TMTC2: variants seen among roughly 807,000 people sequenced by gnomAD.
The protein encoded by TMTC2 is transmembrane O-mannosyltransferase targeting cadherins 2.
Under a neutral mutation model 82.4 loss-of-function variants are expected in TMTC2, and 43 were observed. The ratio of observed to expected loss-of-function variants is 0.52; its 90% CI spans 0.41 to 0.67. The LOEUF is 0.67. Among genes scored for constraint, TMTC2 ranks in the 30% least tolerant of loss-of-function variants. The probability of loss-of-function intolerance (pLI) is 0.00; values close to 1 mark genes in which losing one functional copy is unlikely to be tolerated. For missense variants in TMTC2, 919 were observed against 1,012.4 expected, an observed-to-expected ratio of 0.91 and a Z score of 1.25; for synonymous variants, 408 against 381.9, an observed-to-expected ratio of 1.07 and a Z score of -0.80.
intron 7 of TMTC2, among the ~76,000 whole-genome samples, chr12:82,979,726 A>C (rs1057406677): frequency 6.6e-6 from 1 of 151,750 alleles, no homozygotes; most frequent in Admixed American, 6.6e-5. Context: ...ATTGCTTATA[A>C]AGGTCATTTT....
intron 1 of TMTC2, among the ~76,000 whole-genome samples, chr12:82,828,140 G>A (rs113797400): frequency 0.02 from 3,029 of 151,028 alleles, 111 homozygotes; most frequent in African/African-American, 0.07. Context: ...TGATCCACCC[G>A]CCTTGGCCTC....
At chr12:83,053,478 G>A (rs964600965) in intron 10 of TMTC2, among the ~76,000 whole-genome samples, 9 of 152,080 alleles carry the variant, frequency 5.9e-5, no homozygotes, top group African/African-American at 2.2e-4. Context: ...AATTTCCAAT[G>A]TAATGACCAA....
At chr12:82,752,568 A>C (rs190301266) in intron 1 of TMTC2, among the ~76,000 whole-genome samples, 2 of 152,190 alleles carry the variant, frequency 1.3e-5, no homozygotes, top group East Asian at 3.9e-4. Flanking sequence ...TAGTCTTGGG[A>C]GCATAAACTG....
chr12:82,949,192 A>T (rs538449204), intron 4 of TMTC2, among the ~76,000 whole-genome samples: 5 of 152,250 alleles, frequency 3.3e-5, no homozygotes, highest in Non-Finnish European at 5.9e-5. Flanking sequence ...CCAAGAAATT[A>T]CATAAAGATT....
At chr12:82,878,029 A>G (rs1242262612) in intron 2 of TMTC2, among the ~76,000 whole-genome samples, 2 of 152,226 alleles carry the variant, frequency 1.3e-5, no homozygotes, top group African/African-American at 4.8e-5. Flanking sequence ...TGAGCTACGT[A>G]TTAAGATTCT....
chr12:82,697,176 T>A (rs1406918429), intron 1 of TMTC2, among the ~76,000 whole-genome samples: 5 of 151,250 alleles, frequency 3.3e-5, no homozygotes, highest in Non-Finnish European at 7.4e-5. Context: ...AAACCCCGTC[T>A]CTACTAAAAT....
chr12:83,003,611 G>A (rs550133035), intron 8 of TMTC2, among the ~76,000 whole-genome samples: 2 of 152,122 alleles, frequency 1.3e-5, no homozygotes, highest in African/African-American at 4.8e-5. Context: ...CTGGTCTAGT[G>A]GTAATGAATT....
intron 1 of TMTC2, among the ~76,000 whole-genome samples, chr12:82,783,458 C>CTAG (rs1474141557): frequency 6.6e-6 from 1 of 152,008 alleles, no homozygotes; most frequent in Admixed American, 6.6e-5. Flanking sequence ...ATTGATCTGA[C>CTAG]ACTAGGATAT....
At position 83,132,519 on chromosome 12, in the gene TMTC2, C is replaced by T; in HGVS notation, c.*130C>T. 4 of 1,024,558 alleles carry T rather than the reference C, an allele frequency of 3.9e-6. No individual in the cohort carries two copies. Among genetic ancestry groups the T allele is most frequent in the Non-Finnish European group, 5.6e-6 (4 of 717,192 alleles). The allele number at this position is 1,024,558 out of a possible 1,614,324, so 63.5% of individuals were successfully genotyped here. A position where few individuals can be genotyped will look rare whatever the true frequency, so the allele number is the denominator to read the frequency against. On this transcript the variant is annotated 3_prime_UTR_variant, in exon 12 of 12. Transcript: ENST00000321196. Reference sequence around the variant, plus strand: ...ACCAGGGCAGAGGTCATTGAGGTCACTACCGCTTCTGGAAGAATCCACTTT... The same window carrying T: ...ACCAGGGCAGAGGTCATTGAGGTCATTACCGCTTCTGGAAGAATCCACTTT...
rs950255375 is a variant in TMTC2, at chr12:83,033,836, A to G, written c.2152+2957A>G. 2.2e-3 allele frequency among the ~76,000 whole-genome samples: 324 copies of G among 147,862 alleles called. 1 individual carries two copies. The highest frequency in any genetic ancestry group is 5.6e-3 in the South Asian group (26 of 4,678). On this transcript the variant is annotated intron_variant, in intron 9 of 11. Coordinates refer to ENST00000321196, the MANE Select transcript of TMTC2 (RefSeq NM_152588.3). The stretch of plus-strand genomic sequence containing the variant: ...TGTGTGTGTGTGTGTGTGTGTGTAT[A>G]TATATGTATGTGTATATATATATGT...
At chr12:82,875,899 T>TAAA (rs781413116) in intron 2 of TMTC2, among the ~76,000 whole-genome samples, 3 of 113,546 alleles carry the variant, frequency 2.6e-5, no homozygotes, top group African/African-American at 3.0e-5. Context: ...AGCTCACGCT[T>TAAA]AAAAAAAAAA....
Position 82,687,403 on chromosome 12 carries a change from A to C in TMTC2, c.-184A>C, listed in dbSNP as rs12422405. The C allele has an allele frequency of 0.15, 91,984 of 605,626 alleles. 8,142 individuals carry two copies. The highest frequency in any genetic ancestry group is 0.33 in the East Asian group (11,539 of 34,882). 37.5% of individuals were successfully genotyped at this position (605,626 alleles called of 1,614,324 possible). ...CGGGGAGGACGCAGGAGCTGCGGAG[A>C]CGGGCGCGAGGAGGAGGAGAGGAGT... On this transcript the variant is annotated 5_prime_UTR_variant, in exon 1 of 12. Transcript: ENST00000321196.
intron 1 of TMTC2, among the ~76,000 whole-genome samples, chr12:82,792,855 A>T (rs531872517): frequency 6.6e-6 from 1 of 152,174 alleles, no homozygotes; most frequent in African/African-American, 2.4e-5. Context: ...TTTTTTGAAG[A>T]TATATAGTAC....
At chr12:82,955,599 A>G (rs1877572000) in intron 4 of TMTC2, among the ~76,000 whole-genome samples, 1 of 152,204 alleles carries the variant, frequency 6.6e-6, no homozygotes, top group African/African-American at 2.4e-5. Context: ...AAAAAGAGCT[A>G]AAAGGATTTA....
At chr12:83,084,217 G>A (rs1883569815) in intron 11 of TMTC2, among the ~76,000 whole-genome samples, 1 of 152,140 alleles carries the variant, frequency 6.6e-6, no homozygotes, top group African/African-American at 2.4e-5. Flanking sequence ...ACATGTAATG[G>A]AATACATGGA....
chr12:82,890,047 A>G (rs2137169854), intron 2 of TMTC2, among the ~76,000 whole-genome samples: 1 of 152,270 alleles, frequency 6.6e-6, no homozygotes, highest in East Asian at 1.9e-4. Context: ...CAACTGTACA[A>G]TTTATATTTC....
At chr12:82,833,535 T>C (rs1180722025) in intron 1 of TMTC2, among the ~76,000 whole-genome samples, 2 of 152,256 alleles carry the variant, frequency 1.3e-5, no homozygotes, top group African/African-American at 2.4e-5. Flanking sequence ...TTTCTCAAAA[T>C]GCTTTATTCA....
intron 1 of TMTC2, among the ~76,000 whole-genome samples, chr12:82,743,130 A>G (rs1445550379): frequency 1.3e-5 from 2 of 152,242 alleles, no homozygotes; most frequent in East Asian, 1.9e-4. Flanking sequence ...GTATCACACA[A>G]TTATGAAGAT....
At chr12:82,982,432 C>T (rs1165867370) in intron 7 of TMTC2, among the ~76,000 whole-genome samples, 2 of 107,566 alleles carry the variant, frequency 1.9e-5, no homozygotes, top group Non-Finnish European at 3.9e-5. Context: ...TTTAATTTAT[C>T]CATAATCTTT....
Sources: allele counts gnomAD v4.1 joint callset (sites outside exome capture counted in the v4.1 genomes callset), GRCh38; gene constraint gnomAD v4.1.1; transcripts MANE v1.5; gene names NCBI Gene and HGNC (gene_info 2026-07-23, HGNC 2026-07-21).